The following FOLH1 variants were observed in gnomAD, a reference collection of about 807,000 sequenced individuals.
FOLH1 encodes the protein folate hydrolase 1, also known as glutamate carboxypeptidase 2.
In FOLH1, 54 loss-of-function variants were observed where a neutral mutation model predicts 93.9. The ratio of observed to expected loss-of-function variants is 0.57; its 90% confidence interval spans 0.46 to 0.72. FOLH1 has a LOEUF of 0.72. Among genes scored for constraint, FOLH1 ranks in the 30% least tolerant of loss-of-function variants. FOLH1 has a pLI of 0.00. For synonymous variants in FOLH1, 249 were observed against 303.6 expected, an observed-to-expected ratio of 0.82 and a Z score of 1.87; for missense variants, 571 against 892.5, an observed-to-expected ratio of 0.64 and a Z score of 4.59.
intron 17 of FOLH1, among the ~76,000 whole-genome samples, chr11:49,150,224 G>T (rs1856343504): frequency 6.6e-6 from 1 of 152,140 alleles, no homozygotes; most frequent in Non-Finnish European, 1.5e-5. Context: ...AATCACTGTT[G>T]TTCAAATGTC....
In FOLH1 at chr11:49,192,865, A is replaced by C; in HGVS notation, c.441T>G (p.Pro147=). Residue 147 remains proline, a synonymous_variant, in exon 4 of 19, where the codon CCT becomes CCG. Transcript: ENST00000256999. ...CCGAAACATTTTCATATCCTGGAGG[A>C]GGTGGTTCAAATAATGATGTGTTGA... The part of the protein sequence containing the change: ...EIFNTSLFEP[P]PPGYENVSDI... 1 of 1,600,520 alleles carries C rather than the reference A, an allele frequency of 6.2e-7. No homozygotes were observed. The highest frequency in any genetic ancestry group is 8.5e-7 in the Non-Finnish European group (1 of 1,173,170).
chr11:49,191,567 G>C (rs1862050751), intron 4 of FOLH1, among the ~76,000 whole-genome samples: 1 of 152,194 alleles, frequency 6.6e-6, no homozygotes, highest in Non-Finnish European at 1.5e-5. Context: ...TAATGTCAAA[G>C]TCCAAAAATT....
chr11:49,160,578 G>A (rs1247146358), intron 13 of FOLH1, among the ~76,000 whole-genome samples: 3 of 152,054 alleles, frequency 2.0e-5, no homozygotes, highest in Non-Finnish European at 4.4e-5. Flanking sequence ...GAATAGCTGG[G>A]ACTACAGGCA....
At chr11:49,154,201 G>T in intron 16 of FOLH1, 27 bp downstream of exon 16, 2 of 1,610,508 alleles carry the variant, frequency 1.2e-6, no homozygotes, top group Non-Finnish European at 1.7e-6. Flanking sequence ...TACAGATGAG[G>T]AATTTGAAAA....
intron 1 of FOLH1, chr11:49,207,711 A>G (rs1590722491): frequency 2.8e-6 from 1 of 359,166 alleles, no homozygotes; most frequent in South Asian, 2.1e-5. Flanking sequence ...GTTCAAGGCC[A>G]CTAAGAAGTG....
intron 10 of FOLH1, among the ~76,000 whole-genome samples, chr11:49,171,496 G>A (rs1226714636): frequency 6.6e-6 from 1 of 152,130 alleles, no homozygotes; most frequent in Non-Finnish European, 1.5e-5. Context: ...ACATGTGACA[G>A]TAAAAATCTT....
intron 9 of FOLH1, 53 bp downstream of exon 9, chr11:49,174,839 C>G (rs1168643043): frequency 1.4e-6 from 2 of 1,415,220 alleles, no homozygotes; most frequent in African/African-American, 3.0e-5. Flanking sequence ...TTGGTAGTAT[C>G]CAGCACATAA....
At position 49,208,427 on chromosome 11, in the gene FOLH1, C is replaced by A. The variant is rs779460031; in HGVS notation, c.-18G>T. The A allele has an allele frequency of 6.4e-6, 10 of 1,559,492 alleles. No individual in the cohort carries two copies. Among genetic ancestry groups the A allele is most frequent in the Middle Eastern group, 3.4e-4 (2 of 5,874 alleles). ...TTCCACATCTCGGCGCGAGCAGAGC[C>A]GGCCTCCCGGGACCCGCGCCTGTGC... On this transcript the variant is annotated 5_prime_UTR_variant, in exon 1 of 19. Coordinates refer to ENST00000256999, the MANE Select transcript of FOLH1 (RefSeq NM_004476.3).
intron 13 of FOLH1, among the ~76,000 whole-genome samples, chr11:49,161,591 CTATGTATTTTAA>C: frequency 6.6e-6 from 1 of 152,120 alleles, no homozygotes; most frequent in African/African-American, 2.4e-5. Context: ...GCTTGCCACT[CTATGTATTTTAA>C]TTGGTGTATT....
chr11:49,193,670 A>G (rs1289913337), intron 3 of FOLH1, among the ~76,000 whole-genome samples: 4 of 152,214 alleles, frequency 2.6e-5, no homozygotes, highest in African/African-American at 9.6e-5. Context: ...TAAATTGGAA[A>G]AAAAATAGTA....
chr11:49,166,647 A>C (rs1265226519), intron 12 of FOLH1, among the ~76,000 whole-genome samples: 1 of 152,176 alleles, frequency 6.6e-6, no homozygotes, highest in Non-Finnish European at 1.5e-5. Context: ...TTATTTGTAC[A>C]TTTTACATTT....
chr11:49,174,243 A>T (rs529342210), intron 9 of FOLH1, among the ~76,000 whole-genome samples: 1 of 152,320 alleles, frequency 6.6e-6, no homozygotes, highest in Non-Finnish European at 1.5e-5. Flanking sequence ...ATCTAAAATA[A>T]ATCACTGGCT....
intron 17 of FOLH1, among the ~76,000 whole-genome samples, chr11:49,149,783 C>A (rs1590399572): frequency 6.6e-6 from 1 of 152,014 alleles, no homozygotes; most frequent in Non-Finnish European, 1.5e-5. Flanking sequence ...TATGTCCATC[C>A]TACTTTTAGA....
chr11:49,160,154 T>C (rs1857529254), intron 13 of FOLH1, among the ~76,000 whole-genome samples: 1 of 152,138 alleles, frequency 6.6e-6, no homozygotes, highest in Non-Finnish European at 1.5e-5. Flanking sequence ...TGTATTTCTG[T>C]GGGGTCAGTG....
At chr11:49,166,151 A>C (rs1858381282) in intron 12 of FOLH1, among the ~76,000 whole-genome samples, 1 of 152,238 alleles carries the variant, frequency 6.6e-6, no homozygotes, top group Non-Finnish European at 1.5e-5. Context: ...TTTTTAAGTG[A>C]AACCGAGATA....
At chr11:49,176,032 T>A in intron 7 of FOLH1, 75 bp from the exon 8 acceptor site, 1 of 1,312,734 alleles carries the variant, frequency 7.6e-7, no homozygotes. Flanking sequence ...ATGGATTCAC[T>A]TTATTGAGCA....
intron 13 of FOLH1, among the ~76,000 whole-genome samples, chr11:49,164,047 G>C (rs2950753): frequency 6.6e-6 from 1 of 152,010 alleles, no homozygotes; most frequent in Non-Finnish European, 1.5e-5. Context: ...GTATCTGCTC[G>C]TTTCAGTTGA....
chr11:49,174,333 G>A (rs535209417), intron 9 of FOLH1, among the ~76,000 whole-genome samples: 1 of 152,202 alleles, frequency 6.6e-6, no homozygotes, highest in Non-Finnish European at 1.5e-5. Flanking sequence ...GAACAAAATA[G>A]TTCATAAGAA....
chr11:49,172,552 C>T (rs535299183), intron 10 of FOLH1, among the ~76,000 whole-genome samples: 1 of 151,852 alleles, frequency 6.6e-6, no homozygotes, highest in African/African-American at 2.4e-5. Flanking sequence ...TGTCTTCTCC[C>T]TAGTTGCTAT....
Sources: allele counts gnomAD v4.1 joint callset (sites outside exome capture counted in the v4.1 genomes callset), GRCh38; gene constraint gnomAD v4.1.1; transcripts MANE v1.5; gene names NCBI Gene and HGNC (gene_info 2026-07-23, HGNC 2026-07-21).